Variants in TGM1 observed in about 807,000 individuals in gnomAD.
TGM1 encodes the protein transglutaminase 1.
In TGM1, 63 loss-of-function variants were observed where a neutral mutation model predicts 88.7. That is an observed-to-expected ratio of 0.71 (90% CI 0.58 to 0.88). The LOEUF is 0.88. Among genes scored for constraint, TGM1 ranks in the 40% least tolerant of loss-of-function variants. The probability of loss-of-function intolerance (pLI) is 0.00; values close to 1 mark genes in which losing one functional copy is unlikely to be tolerated. For synonymous variants in TGM1, 415 were observed against 431.1 expected, an observed-to-expected ratio of 0.96 and a Z score of 0.46; for missense variants, 996 against 1,118.0, an observed-to-expected ratio of 0.89 and a Z score of 1.56.
chr14:24,255,507 T>C lies in TGM1; in HGVS notation c.1502A>G (p.Asp501Gly), dbSNP rs2040743461. The C allele has an allele frequency of 1.2e-6, 2 of 1,613,354 alleles. No individual in the cohort carries two copies. The highest frequency in any genetic ancestry group is 4.5e-5 in the East Asian group (2 of 44,882). ...ATCCTGCCGCTGCCAGTACACCTTGTCACTATTCACCTGTGGGGGGTGGGG... is the reference window on the plus strand; with the variant it reads ...ATCCTGCCGCTGCCAGTACACCTTGCCACTATTCACCTGTGGGGGGTGGGG... ...TPFIFAEVNS[D>G]KVYWQRQDDG... The change falls in exon 11 of 15, where the codon GAC becomes GGC. Residue 501 changes from aspartate to glycine, a missense_variant. Physicochemically the swap from Asp to Gly is moderately conservative, Grantham distance 94. Coordinates refer to ENST00000206765, the MANE Select transcript of TGM1 (RefSeq NM_000359.3). The surrounding 1 kb of genome is among the most constrained non-coding windows in gnomAD (Gnocchi z 4.0).
chr14:24,263,147 G>C lies in TGM1; in HGVS notation c.-61C>G, dbSNP rs987826990. The C allele has an allele frequency of 6.5e-6, 1 of 153,030 alleles. No homozygotes were observed. The highest frequency in any genetic ancestry group is 1.5e-5 in the Non-Finnish European group (1 of 68,676). The allele number at this position is 153,030 out of a possible 1,614,324, so 9.5% of individuals were successfully genotyped here. On this transcript the variant is annotated 5_prime_UTR_variant, in exon 1 of 15. Transcript: ENST00000206765. ...CCTGGGGCTGAGATGGAACAGGTCA[G>C]GATGGATGGGACAGGACCCACAGAC...
In TGM1 at chr14:24,260,018, C is replaced by T. The variant is rs751468985; in HGVS notation, c.798G>A (p.Glu266=). Residue 266 remains glutamate, a synonymous_variant, in exon 5 of 15, where the codon GAG becomes GAA. Transcript: ENST00000206765. ...TTCTCCCAGACTCATTAAGAACATA[C>T]TCCTGCCGCCAATCCTCATGGTCCA... ...VYVDHEDWRQ[E]YVLNESGRIY... The T allele has an allele frequency of 3.7e-6, 6 of 1,614,098 alleles. No individual in the cohort carries two copies. Among genetic ancestry groups the T allele is most frequent in the East Asian group, 2.2e-5 (1 of 44,892 alleles).
At position 24,249,326 on chromosome 14, in the gene TGM1, C is replaced by A; in HGVS notation, c.2441G>T (p.Arg814Leu). 6.2e-7 allele frequency: 1 copy of A among 1,613,542 alleles called. No homozygotes were observed. The highest frequency in any genetic ancestry group is 2.2e-5 in the East Asian group (1 of 44,874). The change falls in exon 15 of 15, where the codon CGA becomes CTA. Residue 814 changes from arginine to leucine, a missense_variant. Arg to Leu is a moderately radical substitution (Grantham distance 102). Transcript: ENST00000206765. ...HLGETIPMAS[R>L]GGA ...CCTGGCACGGGGCTAAGCTCCACCT[C>A]GAGATGCCATAGGGATGGTCTCTCC...
chr14:24,258,777 G>A, intron 7 of TGM1, 104 bp from the exon 8 acceptor site: 1 of 1,522,768 alleles, frequency 6.6e-7, no homozygotes. Context: ...TGCCAAGCTG[G>A]GCATAGACTG....
At chr14:24,257,624 CTG>C (rs2040765170) in intron 9 of TGM1, among the ~76,000 whole-genome samples, 1 of 152,240 alleles carries the variant, frequency 6.6e-6, no homozygotes, top group Admixed American at 6.5e-5. Flanking sequence ...ACCTACCACT[CTG>C]TGCCCCAGAG....
At chr14:24,254,524 GC>G in intron 13 of TGM1, 139 bp downstream of exon 13, 1 of 1,354,624 alleles carries the variant, frequency 7.4e-7, no homozygotes, top group Non-Finnish European at 1.0e-6. Context: ...GGAAACTGAG[GC>G]CCCAGAGCCG....
intron 13 of TGM1, 70 bp from the exon 14 acceptor site, chr14:24,254,358 C>CCAGAGAGGGGAAGCTGCTTAGAAG (rs1330922680): frequency 6.2e-7 from 1 of 1,609,748 alleles, no homozygotes; most frequent in African/African-American, 1.3e-5. Context: ...GTACACTGCA[C>CCAGAGAGGGGAAGCTGCTTAGAAG]CAGAGAGGGG....
At chr14:24,260,309 C>A in intron 4 of TGM1, 141 bp downstream of exon 4, 1 of 1,389,142 alleles carries the variant, frequency 7.2e-7, no homozygotes, top group Admixed American at 2.0e-5. Context: ...CTGCACCAGG[C>A]CTCGGTCCTC....
intron 14 of TGM1, 125 bp from the exon 15 acceptor site, chr14:24,249,666 C>G: frequency 1.1e-6 from 1 of 914,974 alleles, no homozygotes; most frequent in Non-Finnish European, 1.7e-6. Context: ...CCAGGCTTAC[C>G]TGAAATTTCC....
chr14:24,261,841 C>G lies in TGM1; in HGVS notation c.362G>C (p.Arg121Pro). Residue 121 changes from arginine to proline, a missense_variant, in exon 3 of 15, where the codon CGC becomes CCC. Coordinates refer to ENST00000206765, the MANE Select transcript of TGM1 (RefSeq NM_000359.3). ...GTGCTCTCGGCGGTTCTGGTCCGAG[C>G]GCGAGCTCAGCAAGTCCACACCGTT... ...VVNGVDLLSS[R>P]SDQNRREHHT... The G allele has an allele frequency of 6.2e-7, 1 of 1,613,880 alleles. No homozygotes were observed. The highest frequency in any genetic ancestry group is 8.5e-7 in the Non-Finnish European group (1 of 1,179,996).
chr14:24,249,513 G>C lies in TGM1; in HGVS notation c.2254C>G (p.Leu752Val). 6.2e-7 allele frequency: 1 copy of C among 1,614,148 alleles called. No individual in the cohort carries two copies. The highest frequency in any genetic ancestry group is 8.5e-7 in the Non-Finnish European group (1 of 1,180,010). The change falls in exon 15 of 15, where the codon CTG becomes GTG. Residue 752 changes from leucine to valine, a missense_variant. Transcript: ENST00000206765. Reference sequence around the variant, plus strand: ...CGCACAGGCACAAACGACTGGCGCAGTGTCACTGTTTCATTGCCTCCAATG... The same window carrying C: ...CGCACAGGCACAAACGACTGGCGCACTGTCACTGTTTCATTGCCTCCAATG... ...GDIGGNETVT[L>V]RQSFVPVRPG...
intron 9 of TGM1, among the ~76,000 whole-genome samples, 184 bp from the exon 10 acceptor site, chr14:24,256,261 G>C (rs1566377430): frequency 6.6e-6 from 1 of 152,202 alleles, no homozygotes; most frequent in Non-Finnish European, 1.5e-5. Flanking sequence ...GACAGCCAGT[G>C]CAACACAGGT....
intron 9 of TGM1, among the ~76,000 whole-genome samples, chr14:24,258,084 A>G (rs1192158924): frequency 6.6e-6 from 1 of 152,234 alleles, no homozygotes; most frequent in Non-Finnish European, 1.5e-5. Flanking sequence ...AATAAGTAAA[A>G]TGTAGGCAAA....
In TGM1 at chr14:24,254,147, C is replaced by T; in HGVS notation, c.2225+5G>A. 6.2e-7 allele frequency: 1 copy of T among 1,609,392 alleles called. No homozygotes were observed. Among genetic ancestry groups the T allele is most frequent in the South Asian group, 1.1e-5 (1 of 90,206 alleles). On this transcript the variant is annotated splice_donor_5th_base_variant and intron_variant, in intron 14 of 14. Coordinates refer to ENST00000206765, the MANE Select transcript of TGM1 (RefSeq NM_000359.3). Reference sequence around the variant, plus strand: ...AGCAGGGGTAGGGGGAGAGGCCAGACTCACCCAACGTTGAGGATCTTGGGC... The same window carrying T: ...AGCAGGGGTAGGGGGAGAGGCCAGATTCACCCAACGTTGAGGATCTTGGGC...
In TGM1 at chr14:24,259,825, T is replaced by C. The variant is rs1441098376; in HGVS notation, c.877-14A>G. On this transcript the variant is annotated splice_polypyrimidine_tract_variant and intron_variant, in intron 5 of 14. Coordinates refer to ENST00000206765, the MANE Select transcript of TGM1 (RefSeq NM_000359.3). This position sits in a 1 kb window ranked among gnomAD's most constrained non-coding sequence, Gnocchi z 5.7. Reference sequence around the variant, plus strand: ...CCCGTGGTCAAACTGGAAGGAGGGATGGAGGGCAGAGGTGACAGCCTGAAC... The same window carrying C: ...CCCGTGGTCAAACTGGAAGGAGGGACGGAGGGCAGAGGTGACAGCCTGAAC... The C allele has an allele frequency of 1.2e-6, 2 of 1,612,512 alleles. No homozygotes were observed. The highest frequency in any genetic ancestry group is 2.7e-5 in the African/African-American group (2 of 74,870).
chr14:24,260,492 G>A lies in TGM1; in HGVS notation c.715C>T (p.Pro239Ser), dbSNP rs753460914. 3 of 1,613,922 alleles carry A rather than the reference G, an allele frequency of 1.9e-6. No homozygotes were observed. The highest frequency in any genetic ancestry group is 4.5e-5 in the East Asian group (2 of 44,850). ...DAGEFQLPFDPRNEIYILFNP... is the reference protein window; with the variant it reads ...DAGEFQLPFDSRNEIYILFNP... ...AAGAGGATGTAGATCTCATTGCGGG[G>A]GTCAAAGGGCAACTGGAACTCCCCA... Residue 239 changes from proline to serine, a missense_variant, in exon 4 of 15, where the codon CCC becomes TCC. By Grantham distance (74) the Pro-to-Ser change is moderately conservative. Coordinates refer to ENST00000206765, the MANE Select transcript of TGM1 (RefSeq NM_000359.3).
intron 7 of TGM1, 31 bp from the exon 8 acceptor site, chr14:24,258,704 C>T (rs776614542): frequency 9.3e-6 from 15 of 1,611,902 alleles, no homozygotes; most frequent in Admixed American, 3.3e-5. Context: ...GGGTTCAAGG[C>T]ATGGGTTGGG....
chr14:24,253,976 TA>T, intron 14 of TGM1, 175 bp downstream of exon 14: 1 of 825,552 alleles, frequency 1.2e-6, no homozygotes, highest in Non-Finnish European at 1.9e-6. Context: ...GAGGTCTCCC[TA>T]AAGGCTGGTG....
At chr14:24,253,025 G>T (rs79717961) in intron 14 of TGM1, among the ~76,000 whole-genome samples, 5 of 152,308 alleles carry the variant, frequency 3.3e-5, no homozygotes, top group African/African-American at 1.2e-4. Context: ...AGGCCCAGAC[G>T]GGCTGGGTAA....
Sources: gnomAD v4.1 joint callset for allele counts (sites outside exome capture counted in the v4.1 genomes callset) on GRCh38, gnomAD v4.1.1 for gene constraint, Gnocchi (gnomAD v3.1) non-coding constraint, MANE v1.5 for transcripts, NCBI Gene and HGNC (gene_info 2026-07-23, HGNC 2026-07-21) for gene names.